The following SYT1 variants were observed in gnomAD, a reference collection of about 807,000 sequenced individuals.
SYT1 encodes synaptotagmin 1.
In SYT1, 8 loss-of-function variants were observed where a neutral mutation model predicts 44.8. The observed-to-expected ratio is 0.18, with a 90% CI of 0.10 to 0.32. The LOEUF (loss-of-function observed/expected upper bound fraction) is 0.32, where lower values mean the gene tolerates loss of function less well. Among genes scored for constraint, SYT1 ranks in the 10% least tolerant of loss-of-function variants. The pLI is 1.00. For synonymous variants in SYT1, 154 were observed against 188.8 expected, an observed-to-expected ratio of 0.82 and a Z score of 1.51; for missense variants, 286 against 509.3, an observed-to-expected ratio of 0.56 and a Z score of 4.22.
chr12:79,301,437 G>A (rs1369920520), intron 8 of SYT1, among the ~76,000 whole-genome samples: 1 of 152,122 alleles, frequency 6.6e-6, no homozygotes, highest in African/African-American at 2.4e-5. Context: ...CCAGGCTGAC[G>A]GGTTTCACTC....
chr12:79,165,452 T>G (rs1871174885), intron 3 of SYT1, among the ~76,000 whole-genome samples: 1 of 152,014 alleles, frequency 6.6e-6, no homozygotes, highest in Admixed American at 6.6e-5. Context: ...AAAATTATAA[T>G]GTTCTTTAAG....
chr12:79,338,320 A>G (rs1037861497), intron 8 of SYT1, among the ~76,000 whole-genome samples: 2 of 148,788 alleles, frequency 1.3e-5, no homozygotes, highest in Non-Finnish European at 3.0e-5. Flanking sequence ...TCTGTCACCC[A>G]GGCTGGAGGG....
At chr12:79,253,198 A>G (rs1019268037) in intron 4 of SYT1, among the ~76,000 whole-genome samples, 2 of 152,180 alleles carry the variant, frequency 1.3e-5, no homozygotes, top group African/African-American at 4.8e-5. Context: ...CTTTAAAGAT[A>G]CCGCAGATTT....
intron 3 of SYT1, among the ~76,000 whole-genome samples, chr12:79,206,272 T>A (rs375520337): frequency 1.3e-5 from 2 of 152,210 alleles, no homozygotes; most frequent in East Asian, 1.9e-4. Context: ...TACTGTTGCC[T>A]CCAAAATCTT....
chr12:79,338,922 GTTTT>G (rs201077882), intron 8 of SYT1, among the ~76,000 whole-genome samples: 409 of 152,034 alleles, frequency 2.7e-3, no homozygotes, highest in African/African-American at 9.5e-3. Flanking sequence ...TGCAGTGTTT[GTTTT>G]TCTGTCCTTG....
intron 4 of SYT1, among the ~76,000 whole-genome samples, chr12:79,257,645 C>G (rs1245836): frequency 0.71 from 108,002 of 152,026 alleles, 38,901 homozygotes; most frequent in African/African-American, 0.79. Flanking sequence ...CCGCCACAAC[C>G]CCCGGCTGAT....
At chr12:79,437,278 C>G (rs1192886945) in intron 9 of SYT1, among the ~76,000 whole-genome samples, 3 of 152,038 alleles carry the variant, frequency 2.0e-5, no homozygotes, top group African/African-American at 7.2e-5. Context: ...ATGAAGAATG[C>G]TTTGAAATTG....
At chr12:78,943,071 A>G (rs1878466791) in intron 1 of SYT1, among the ~76,000 whole-genome samples, 1 of 152,210 alleles carries the variant, frequency 6.6e-6, no homozygotes, top group Non-Finnish European at 1.5e-5. Context: ...GACTAAGAAG[A>G]AGATATTTAC....
intron 4 of SYT1, among the ~76,000 whole-genome samples, chr12:79,236,386 T>C (rs1876192232): frequency 2.0e-5 from 3 of 152,188 alleles, no homozygotes; most frequent in Non-Finnish European, 4.4e-5. Flanking sequence ...TAATTACTGT[T>C]CTACAGATAC....
intron 1 of SYT1, among the ~76,000 whole-genome samples, chr12:78,928,049 G>T (rs11610116): frequency 0.086 from 13,032 of 152,062 alleles, 644 homozygotes; most frequent in East Asian, 0.18. Context: ...TAAGAAATAT[G>T]CTGCTATTAT....
intron 9 of SYT1, among the ~76,000 whole-genome samples, chr12:79,403,197 G>C (rs1885129700): frequency 6.6e-6 from 1 of 152,116 alleles, no homozygotes; most frequent in African/African-American, 2.4e-5. Context: ...AACCCAGATG[G>C]GAATAAGACC....
intron 9 of SYT1, among the ~76,000 whole-genome samples, chr12:79,362,884 C>T (rs925576524): frequency 5.9e-5 from 9 of 152,126 alleles, no homozygotes; most frequent in Non-Finnish European, 5.9e-5. Context: ...GTTGTAAATA[C>T]GTGTTGCTCT....
chr12:79,055,921 A>G (rs1874901054), intron 3 of SYT1, among the ~76,000 whole-genome samples: 1 of 152,020 alleles, frequency 6.6e-6, no homozygotes, highest in South Asian at 2.1e-4. Flanking sequence ...GACTGCATAT[A>G]TAGCAGTGAC....
At chr12:79,040,389 C>T (rs1231337580) in intron 2 of SYT1, among the ~76,000 whole-genome samples, 7 of 152,058 alleles carry the variant, frequency 4.6e-5, no homozygotes, top group Admixed American at 2.6e-4. Context: ...ATGAGCATTT[C>T]TTCATGTGTT....
intron 3 of SYT1, among the ~76,000 whole-genome samples, chr12:79,134,730 G>C (rs1183144596): frequency 1.3e-5 from 2 of 151,988 alleles, no homozygotes; most frequent in African/African-American, 2.4e-5. Context: ...ACAAGGGCTC[G>C]ATGGGTATCA....
chr12:79,115,591 T>C (rs1488832068), intron 3 of SYT1, among the ~76,000 whole-genome samples: 4 of 152,180 alleles, frequency 2.6e-5, no homozygotes, highest in Admixed American at 6.5e-5. Flanking sequence ...ATATCAAAAA[T>C]AGTGTTTTAA....
intron 1 of SYT1, among the ~76,000 whole-genome samples, chr12:78,871,635 C>G (rs781640122): frequency 6.6e-6 from 1 of 151,880 alleles, no homozygotes; most frequent in Non-Finnish European, 1.5e-5. Context: ...GACAGTTGAG[C>G]TCTAGCAATC....
intron 2 of SYT1, among the ~76,000 whole-genome samples, chr12:79,045,395 T>C (rs1267781511): frequency 6.6e-6 from 1 of 152,202 alleles, no homozygotes; most frequent in Non-Finnish European, 1.5e-5. Flanking sequence ...CAGGTGCGTC[T>C]GTTACCCCTT....
chr12:79,346,703 T>C (rs1049358199), intron 8 of SYT1, among the ~76,000 whole-genome samples: 1 of 152,172 alleles, frequency 6.6e-6, no homozygotes, highest in Non-Finnish European at 1.5e-5. Context: ...CCAAACAAAA[T>C]TCGTTACTTG....
Sources: gnomAD v4.1 joint callset for allele counts (sites outside exome capture counted in the v4.1 genomes callset) on GRCh38, gnomAD v4.1.1 for gene constraint, MANE v1.5 for transcripts, NCBI Gene and HGNC (gene_info 2026-07-23, HGNC 2026-07-21) for gene names.